Variants in ZSCAN25 observed in about 807,000 individuals in gnomAD.
ZSCAN25 encodes the protein zinc finger and SCAN domain containing 25, also known as zinc finger and SCAN domain-containing protein 25.
ZSCAN25 carries 27 observed loss-of-function variants against 38.7 expected under a neutral mutation model. The ratio of observed to expected loss-of-function variants is 0.70; its 90% CI spans 0.51 to 0.96. The LOEUF (loss-of-function observed/expected upper bound fraction) is 0.96. Ranked by LOEUF, ZSCAN25 falls within the 40% of genes least tolerant of loss-of-function variation. The pLI is 0.00. For synonymous variants in ZSCAN25, 273 were observed against 277.7 expected (o/e 0.98, Z 0.17); for missense variants, 637 against 705.9 (o/e 0.90, Z 1.11).
intron 7 of ZSCAN25, among the ~76,000 whole-genome samples, chr7:99,627,695 C>T (rs977853531): frequency 6.0e-5 from 9 of 149,324 alleles, no homozygotes; most frequent in African/African-American, 1.7e-4. Flanking sequence ...ATGCTGTATA[C>T]GTATATCTCG....
At chr7:99,648,498 AG>A in the ZSCAN25 span, 2 of 786,198 alleles carry the variant, frequency 2.5e-6, no homozygotes, top group Non-Finnish European at 2.0e-6. Context: ...ATGCTTTGCA[AG>A]CATATAAAAA....
chr7:99,686,469 C>A, the ZSCAN25 span, among the ~76,000 whole-genome samples: 4 of 152,176 alleles, frequency 2.6e-5, no homozygotes, highest in African/African-American at 7.2e-5. Flanking sequence ...GGGGTGCCTG[C>A]CATTGCCCAG....
chr7:99,617,981 A>G (rs1414578991), intron 1 of ZSCAN25, among the ~76,000 whole-genome samples: 2 of 152,246 alleles, frequency 1.3e-5, no homozygotes, highest in African/African-American at 2.4e-5. Context: ...TGCAGAGTCA[A>G]TGAATAGACT....
the ZSCAN25 span, chr7:99,665,252 G>C: frequency 5.6e-6 from 9 of 1,614,074 alleles, no homozygotes; most frequent in African/African-American, 8.0e-5. Context: ...ATTGTTGAGA[G>C]AGTCGATGTT....
chr7:99,647,402 A>G, the ZSCAN25 span: 10 of 803,906 alleles, frequency 1.2e-5, no homozygotes, highest in Non-Finnish European at 1.5e-5. Context: ...AAAGAATAAA[A>G]AAGGAAAATG....
Position 99,629,065 on chromosome 7 carries a change from T to G in ZSCAN25, c.806-126T>G. 2 of 1,303,776 alleles carry G rather than the reference T, an allele frequency of 1.5e-6. No individual in the cohort carries two copies. The highest frequency in any genetic ancestry group is 1.6e-5 in the South Asian group (1 of 61,390). The allele number at this position is 1,303,776 out of a possible 1,614,324, so 80.8% of individuals were successfully genotyped here. On this transcript the variant is annotated intron_variant, in intron 7 of 7. Transcript: ENST00000394152. The surrounding 1 kb of genome is among the most constrained non-coding windows in gnomAD (Gnocchi z 5.6). The stretch of plus-strand genomic sequence containing the variant: ...GAAAAAGAAGTAAGGAAAGCCTGAG[T>G]TGAGGTTGTTGGTCAAAGGAAAAAA...
the ZSCAN25 span, chr7:99,648,014 A>G: frequency 2.0e-6 from 2 of 985,344 alleles, no homozygotes; most frequent in Non-Finnish European, 2.4e-6. Context: ...ATGAGAGCTC[A>G]GGAGGAGTTG....
the ZSCAN25 span, among the ~76,000 whole-genome samples, chr7:99,690,024 G>A: frequency 1.3e-5 from 2 of 152,198 alleles, no homozygotes; most frequent in African/African-American, 4.8e-5. Flanking sequence ...AAAGCCGCAG[G>A]CATCACGCTA....
At position 99,630,580 on chromosome 7, in the gene ZSCAN25, C is replaced by T. The variant is rs1403726629; in HGVS notation, c.*560C>T. The T allele has an allele frequency of 1.0e-6, 1 of 987,556 alleles. No homozygotes were observed. The highest frequency in any genetic ancestry group is 1.7e-5 in the African/African-American group (1 of 57,252). The allele number at this position is 987,556 out of a possible 1,614,324, so 61.2% of individuals were successfully genotyped here. ...ATGACCCGAGGCATTCTCAGGGTAT[C>T]TGTGCTGTGTGCCCGTGAGAACATC... On this transcript the variant is annotated 3_prime_UTR_variant, in exon 8 of 8. Coordinates refer to ENST00000394152, the MANE Select transcript of ZSCAN25 (RefSeq NM_145115.3).
the ZSCAN25 span, among the ~76,000 whole-genome samples, chr7:99,679,292 G>C: frequency 6.6e-6 from 1 of 152,100 alleles, no homozygotes; most frequent in Non-Finnish European, 1.5e-5. Context: ...TGAAGTCTTG[G>C]TGTCCCCTGG....
the ZSCAN25 span, chr7:99,672,979 G>T: frequency 1.0e-6 from 1 of 966,374 alleles, no homozygotes; most frequent in Non-Finnish European, 1.3e-6. Flanking sequence ...CATTCGTTAA[G>T]CTGGGTGGTA....
At chr7:99,731,713 C>G in the ZSCAN25 span, among the ~76,000 whole-genome samples, 1 of 152,154 alleles carries the variant, frequency 6.6e-6, no homozygotes, top group Non-Finnish European at 1.5e-5. Flanking sequence ...AGGATCTGGC[C>G]CTTCTTAAAC....
chr7:99,686,889 GCAC>G, the ZSCAN25 span, among the ~76,000 whole-genome samples: 1 of 152,132 alleles, frequency 6.6e-6, no homozygotes, highest in South Asian at 2.1e-4. Flanking sequence ...TGTTCTGCAG[GCAC>G]CACTGCTGAT....
At chr7:99,699,415 A>G in the ZSCAN25 span, among the ~76,000 whole-genome samples, 4 of 152,144 alleles carry the variant, frequency 2.6e-5, no homozygotes, top group Non-Finnish European at 4.4e-5. Context: ...CTTCCCGTGA[A>G]GTCTTGGTGT....
chr7:99,697,029 T>C, the ZSCAN25 span, among the ~76,000 whole-genome samples: 2 of 152,238 alleles, frequency 1.3e-5, no homozygotes, highest in Admixed American at 1.3e-4. Flanking sequence ...ATGCTTCCTG[T>C]AGGGCCTGTA....
At chr7:99,735,267 G>C in the ZSCAN25 span, 1 of 843,554 alleles carries the variant, frequency 1.2e-6, no homozygotes, top group Non-Finnish European at 1.9e-6. Context: ...GCCAGTAGCA[G>C]GGCCCCCGTG....
the ZSCAN25 span, among the ~76,000 whole-genome samples, chr7:99,686,181 T>G: frequency 6.6e-6 from 1 of 152,176 alleles, no homozygotes; most frequent in Non-Finnish European, 1.5e-5. Context: ...TGCAGCGTGC[T>G]GTGCACAAGC....
At chr7:99,662,848 G>A in the ZSCAN25 span, 12 of 1,613,950 alleles carry the variant, frequency 7.4e-6, no homozygotes, top group Non-Finnish European at 1.0e-5. The surrounding 1 kb of genome is among the most constrained non-coding windows in gnomAD (Gnocchi z 4.3). Context: ...CGAATTCTGG[G>A]AGTCAATCAT....
At chr7:99,650,556 G>T in the ZSCAN25 span, among the ~76,000 whole-genome samples, 2 of 152,174 alleles carry the variant, frequency 1.3e-5, no homozygotes, top group Non-Finnish European at 2.9e-5. Context: ...TAAATGATAA[G>T]ACTGATGGAT....
Sources: gnomAD v4.1 joint callset for allele counts (sites outside exome capture counted in the v4.1 genomes callset) on GRCh38, gnomAD v4.1.1 for gene constraint, Gnocchi (gnomAD v3.1) non-coding constraint, MANE v1.5 for transcripts, NCBI Gene and HGNC (gene_info 2026-07-23, HGNC 2026-07-21) for gene names.